The following NTN4 variants were observed in gnomAD, a reference collection of about 807,000 sequenced individuals.
NTN4 encodes netrin-4.
Under a neutral mutation model 73.6 loss-of-function variants are expected in NTN4, and 32 were observed. The ratio of observed to expected loss-of-function variants is 0.44; its 90% CI spans 0.33 to 0.58. NTN4 has a LOEUF of 0.58. Ranked by LOEUF, NTN4 falls within the 20% of genes least tolerant of loss-of-function variation. The pLI, the probability that NTN4 is intolerant of heterozygous loss-of-function variation, is 0.04. For synonymous variants in NTN4, 258 were observed against 287.5 expected, an observed-to-expected ratio of 0.90 and a Z score of 1.04; for missense variants, 654 against 798.3, an observed-to-expected ratio of 0.82 and a Z score of 2.18.
chr12:95,769,130 C>T (rs2079038869), intron 2 of NTN4, among the ~76,000 whole-genome samples: 2 of 152,080 alleles, frequency 1.3e-5, no homozygotes, highest in Admixed American at 6.6e-5. Context: ...TTAGGGCAAA[C>T]TTGAGAGTGG....
Position 95,790,400 on chromosome 12 carries a change from GA to G in NTN4, c.-92del. 1 of 1,133,218 alleles carries G rather than the reference GA, an allele frequency of 8.8e-7. No homozygotes were observed. Among genetic ancestry groups the G allele is most frequent in the South Asian group, 1.6e-5 (1 of 61,172 alleles). The allele number at this position is 1,133,218 out of a possible 1,614,324, so 70.2% of individuals were successfully genotyped here. Reference sequence around the variant, plus strand: ...CGGGATGAAGCGCCGCCGTCCTCGGGAGGGAACGGGGCCCTGGTTTCTTCCT... The same window carrying G: ...CGGGATGAAGCGCCGCCGTCCTCGGGGGGAACGGGGCCCTGGTTTCTTCCT... On this transcript the variant is annotated 5_prime_UTR_variant, in exon 1 of 10. Coordinates refer to ENST00000343702, the MANE Select transcript of NTN4 (RefSeq NM_021229.4). The surrounding 1 kb of genome is among the most constrained non-coding windows in gnomAD (Gnocchi z 6.5).
At chr12:95,773,166 G>A (rs987848935) in intron 2 of NTN4, among the ~76,000 whole-genome samples, 15 of 152,040 alleles carry the variant, frequency 9.9e-5, no homozygotes, top group African/African-American at 3.4e-4. Flanking sequence ...ACCACGCCCA[G>A]CTAATTTTTG....
At position 95,786,989 on chromosome 12, in the gene NTN4, C is replaced by T. The variant is rs142996736; in HGVS notation, c.535G>A (p.Ala179Thr). ...CTGGAGTATTTAGAAGTACAAATAGCGCCCTTCTTGACAACATCATCTTCC... is the reference window on the plus strand; with the variant it reads ...CTGGAGTATTTAGAAGTACAAATAGTGCCCTTCTTGACAACATCATCTTCC... ...GLEDDVVKKGAICTSKYSSPF... is the reference protein window; with the variant it reads ...GLEDDVVKKGTICTSKYSSPF... The change falls in exon 2 of 10, where the codon GCT (alanine) becomes ACT (threonine). Residue 179 changes from alanine (A) to threonine (T), a missense_variant. Coordinates refer to ENST00000343702, the MANE Select transcript of NTN4 (RefSeq NM_021229.4). 1.9e-6 allele frequency: 3 copies of T among 1,614,004 alleles called. No individual in the cohort carries two copies. Among genetic ancestry groups the T allele is most frequent in the East Asian group, 2.2e-5 (1 of 44,892 alleles).
intron 3 of NTN4, among the ~76,000 whole-genome samples, chr12:95,733,951 T>A (rs545716005): frequency 6.6e-6 from 1 of 151,536 alleles, no homozygotes; most frequent in East Asian, 1.9e-4. Flanking sequence ...ATGCCTGTCA[T>A]CCTAGCTCCT....
chr12:95,702,167 C>T (rs2078489718), intron 5 of NTN4, among the ~76,000 whole-genome samples: 1 of 151,930 alleles, frequency 6.6e-6, no homozygotes, highest in Non-Finnish European at 1.5e-5. Flanking sequence ...GTAATCCCAG[C>T]TGCTCGGGTG....
chr12:95,712,787 C>CTTTTTTTTTTTTTTTTTTTT (rs35614636), intron 4 of NTN4, among the ~76,000 whole-genome samples: 3 of 105,712 alleles, frequency 2.8e-5, no homozygotes, highest in Non-Finnish European at 3.6e-5. Flanking sequence ...TTCTTTCTTT[C>CTTTTTTTTTTTTTTTTTTTT]TTTTTTTTTT....
chr12:95,717,678 A>C (rs572276515), intron 3 of NTN4, among the ~76,000 whole-genome samples: 2 of 151,774 alleles, frequency 1.3e-5, no homozygotes, highest in South Asian at 2.1e-4. Context: ...AAAAAAAAAA[A>C]CAGAAAAAGG....
intron 5 of NTN4, among the ~76,000 whole-genome samples, chr12:95,697,951 TAGCAATAC>T: frequency 6.6e-6 from 1 of 152,282 alleles, no homozygotes; most frequent in East Asian, 1.9e-4. Flanking sequence ...CAGTAAAAAA[TAGCAATAC>T]AACAATACAA....
chr12:95,750,591 G>C (rs542965901), intron 2 of NTN4, among the ~76,000 whole-genome samples: 1 of 152,206 alleles, frequency 6.6e-6, no homozygotes, highest in East Asian at 1.9e-4. Context: ...GGTGCCTGAC[G>C]TCCAGGCATT....
chr12:95,764,439 C>T (rs7314307), intron 2 of NTN4, among the ~76,000 whole-genome samples: 84,647 of 151,482 alleles, frequency 0.56, 23,860 homozygotes, highest in East Asian at 0.68. Flanking sequence ...CCGAGGCCAG[C>T]GGATCACCTA....
At chr12:95,681,863 GA>G (rs1334546818) in intron 7 of NTN4, among the ~76,000 whole-genome samples, 2 of 152,002 alleles carry the variant, frequency 1.3e-5, no homozygotes, top group Non-Finnish European at 2.9e-5. Context: ...TCATTAATTT[GA>G]TTTTTTTGGC....
chr12:95,672,235 C>T (rs1196368011), intron 7 of NTN4: 24 of 450,820 alleles, frequency 5.3e-5, no homozygotes, highest in East Asian at 1.4e-4. Context: ...GGAGGGGAGG[C>T]GGGGGCAGGG....
chr12:95,732,530 A>G (rs554392076), intron 3 of NTN4, among the ~76,000 whole-genome samples: 55 of 150,974 alleles, frequency 3.6e-4, no homozygotes, highest in Middle Eastern at 3.4e-3. Flanking sequence ...CAATCTCCGG[A>G]GTATCTGGGA....
intron 5 of NTN4, among the ~76,000 whole-genome samples, chr12:95,695,735 T>C (rs1487893831): frequency 1.3e-5 from 2 of 152,240 alleles, no homozygotes; most frequent in Non-Finnish European, 2.9e-5. Context: ...TCATGTTTAC[T>C]AGTTGTAGCT....
intron 5 of NTN4, among the ~76,000 whole-genome samples, chr12:95,689,594 A>G (rs2078387011): frequency 6.6e-6 from 1 of 152,166 alleles, no homozygotes; most frequent in Non-Finnish European, 1.5e-5. Flanking sequence ...CTCTGTTGGT[A>G]TCTTCCTTGT....
At chr12:95,756,466 T>C in intron 2 of NTN4, among the ~76,000 whole-genome samples, 1 of 152,214 alleles carries the variant, frequency 6.6e-6, no homozygotes, top group East Asian at 1.9e-4. Context: ...CCTGCCTTGT[T>C]TTTGTCAATC....
chr12:95,719,167 C>T (rs1009431157), intron 3 of NTN4, among the ~76,000 whole-genome samples: 20 of 152,146 alleles, frequency 1.3e-4, no homozygotes, highest in African/African-American at 4.6e-4. Context: ...GAGCAAAGTA[C>T]ACAGAAATCT....
intron 9 of NTN4, 51 bp from the exon 10 acceptor site, chr12:95,659,273 G>A (rs771136901): frequency 1.4e-6 from 2 of 1,409,870 alleles, no homozygotes; most frequent in South Asian, 2.7e-5. Context: ...TTGTTGAAGG[G>A]AGAGATGTGA....
chr12:95,708,691 G>A (rs774776176), intron 5 of NTN4, among the ~76,000 whole-genome samples: 2 of 151,982 alleles, frequency 1.3e-5, no homozygotes, highest in African/African-American at 2.4e-5. Flanking sequence ...TTACAGATGC[G>A]AGCCACCCCA....
Sources: gnomAD v4.1 joint callset for allele counts (sites outside exome capture counted in the v4.1 genomes callset) on GRCh38, gnomAD v4.1.1 for gene constraint, Gnocchi (gnomAD v3.1) non-coding constraint, MANE v1.5 for transcripts, NCBI Gene and HGNC (gene_info 2026-07-23, HGNC 2026-07-21) for gene names.